MYO10: variants seen among roughly 807,000 people sequenced by gnomAD.
The protein encoded by MYO10 is myosin X, also known as unconventional myosin-X.
In MYO10, 133 loss-of-function variants were observed where a neutral mutation model predicts 257.3. The ratio of observed to expected loss-of-function variants is 0.52; its 90% CI spans 0.45 to 0.60. MYO10 has a LOEUF of 0.60. Ranked by LOEUF, MYO10 falls within the 20% of genes least tolerant of loss-of-function variation. The probability of loss-of-function intolerance (pLI) is 0.00; values close to 1 mark genes in which losing one functional copy is unlikely to be tolerated. For missense variants in MYO10, 2,399 were observed against 2,635.7 expected, an observed-to-expected ratio of 0.91 and a Z score of 1.97; for synonymous variants, 1,104 against 1,028.6, an observed-to-expected ratio of 1.07 and a Z score of -1.40.
chr5:16,888,486 T>A lies in MYO10; in HGVS notation c.22-10779A>T, dbSNP rs185148112. ...GGTGCATGCCTGTAATCCCAGCTACTCAGGAGGCTGAGGCAGGAGAACTAC... is the reference window on the plus strand; with the variant it reads ...GGTGCATGCCTGTAATCCCAGCTACACAGGAGGCTGAGGCAGGAGAACTAC... On this transcript the variant is annotated intron_variant, in intron 1 of 40. Transcript: ENST00000513610. Among the ~76,000 whole-genome samples, 538 of 151,908 alleles carry A rather than the reference T, an allele frequency of 3.5e-3. 6 individuals are homozygous for A. Among genetic ancestry groups the A allele is most frequent in the Non-Finnish European group, 5.0e-3 (337 of 68,004 alleles).
intron 19 of MYO10, among the ~76,000 whole-genome samples, chr5:16,728,983 T>A (rs1295158143): frequency 6.6e-6 from 1 of 152,234 alleles, no homozygotes; most frequent in East Asian, 1.9e-4. Context: ...TCTTTTCTTT[T>A]AAGCACAGCG....
chr5:16,764,764 C>G (rs1404281108), intron 11 of MYO10, among the ~76,000 whole-genome samples: 1 of 152,178 alleles, frequency 6.6e-6, no homozygotes, highest in Non-Finnish European at 1.5e-5. Flanking sequence ...TCTCGGCTCA[C>G]AGCAACCTCC....
intron 29 of MYO10, among the ~76,000 whole-genome samples, chr5:16,684,626 TTTAA>T (rs1406986241): frequency 3.3e-5 from 5 of 152,244 alleles, no homozygotes; most frequent in Non-Finnish European, 5.9e-5. Flanking sequence ...TATTGTGTCC[TTTAA>T]TTAAATCTTA....
chr5:16,900,313 G>A (rs1745342137), intron 1 of MYO10, among the ~76,000 whole-genome samples: 1 of 152,174 alleles, frequency 6.6e-6, no homozygotes, highest in Non-Finnish European at 1.5e-5. Context: ...ACCATGCTCA[G>A]ATAATTTCAA....
chr5:16,907,871 G>C (rs115393871), intron 1 of MYO10, among the ~76,000 whole-genome samples: 1 of 152,306 alleles, frequency 6.6e-6, no homozygotes, highest in Non-Finnish European at 1.5e-5. Flanking sequence ...ACTGGAAAAT[G>C]TAATATAAAA....
chr5:16,722,740 A>G (rs1011827205), intron 19 of MYO10, among the ~76,000 whole-genome samples: 2 of 152,248 alleles, frequency 1.3e-5, no homozygotes, highest in African/African-American at 4.8e-5. Flanking sequence ...AAACTCCTAG[A>G]TGATAACATA....
At chr5:16,933,868 C>A (rs1017691116) in intron 1 of MYO10, among the ~76,000 whole-genome samples, 1 of 152,168 alleles carries the variant, frequency 6.6e-6, no homozygotes, top group African/African-American at 2.4e-5. Flanking sequence ...ACACATACAT[C>A]ACAAGATTAA....
intron 1 of MYO10, among the ~76,000 whole-genome samples, chr5:16,923,680 A>ACACACACACACACG (rs1045373664): frequency 5.9e-5 from 9 of 151,634 alleles, no homozygotes; most frequent in African/African-American, 2.2e-4. Flanking sequence ...ACACACACAC[A>ACACACACACACACG]CACACACACA....
intron 3 of MYO10, among the ~76,000 whole-genome samples, chr5:16,801,659 A>AACC (rs1742124453): frequency 6.6e-6 from 1 of 152,234 alleles, no homozygotes; most frequent in Admixed American, 6.5e-5. Context: ...CCTATGGTTT[A>AACC]GACCATATTT....
chr5:16,732,440 A>T (rs183549305), intron 19 of MYO10, among the ~76,000 whole-genome samples: 1 of 152,276 alleles, frequency 6.6e-6, no homozygotes, highest in East Asian at 1.9e-4. Context: ...GGCTAAACTA[A>T]ACCTCCATCT....
rs565396206 is a variant in MYO10, at chr5:16,783,422, T to C, written c.515A>G (p.Lys172Arg). The stretch of plus-strand genomic sequence containing the variant: ...CTGTTGACTGATGACTGACAGAAAC[T>C]TGAGGATCAATTTAGTGCTTTCGGT... ...GKTESTKLIL[K>R]FLSVISQQSL... Residue 172 changes from lysine (K) to arginine (R), a missense_variant, in exon 5 of 41, where the codon AAG (lysine) becomes AGG (arginine). By Grantham distance (26) the Lys-to-Arg change is conservative. Around this residue, in one of 3 missense-constraint regions of MYO10, gnomAD observed 242 missense variants for 249.5 expected, o/e 0.97. Transcript: ENST00000513610. 1 of 1,610,704 alleles carries C rather than the reference T, an allele frequency of 6.2e-7. No homozygotes were observed. Among genetic ancestry groups the C allele is most frequent in the South Asian group, 1.1e-5 (1 of 89,904 alleles).
chr5:16,840,850 G>C (rs1359669220), intron 2 of MYO10, among the ~76,000 whole-genome samples: 2 of 151,980 alleles, frequency 1.3e-5, no homozygotes, highest in African/African-American at 2.4e-5. Context: ...TTTAAAAAAG[G>C]AGATTTCAGG....
intron 2 of MYO10, among the ~76,000 whole-genome samples, chr5:16,842,616 A>G (rs768449386): frequency 6.6e-6 from 1 of 152,216 alleles, no homozygotes; most frequent in Non-Finnish European, 1.5e-5. Context: ...GTAAGCATCA[A>G]CACAACTGAT....
chr5:16,912,432 ACCTGAGG>A (rs1238894076), intron 1 of MYO10, among the ~76,000 whole-genome samples: 2 of 152,052 alleles, frequency 1.3e-5, no homozygotes, highest in Non-Finnish European at 2.9e-5. Flanking sequence ...CACTTTCCTT[ACCTGAGG>A]CCCCATATTT....
intron 1 of MYO10, among the ~76,000 whole-genome samples, chr5:16,914,767 CCT>C (rs1745769066): frequency 6.6e-6 from 1 of 152,130 alleles, no homozygotes; most frequent in South Asian, 2.1e-4. Context: ...CGGCAAGCCA[CCT>C]GGCCGTGAGA....
At chr5:16,774,886 T>A (rs1741170202) in intron 9 of MYO10, among the ~76,000 whole-genome samples, 1 of 152,184 alleles carries the variant, frequency 6.6e-6, no homozygotes, top group Non-Finnish European at 1.5e-5. Context: ...ATCTGACTCA[T>A]GACAAATGAA....
At chr5:16,671,356 C>CTTCTTG in intron 38 of MYO10, 66 bp downstream of exon 38, 1 of 1,570,172 alleles carries the variant, frequency 6.4e-7, no homozygotes, top group Non-Finnish European at 8.7e-7. Context: ...ACTTACAAGG[C>CTTCTTG]TAAGTATTAA....
Position 16,788,203 on chromosome 5 carries a change from G to T in MYO10, c.468-4734C>A, listed in dbSNP as rs958304789. Among the ~76,000 whole-genome samples, 12 of 152,204 alleles carry T rather than the reference G, an allele frequency of 7.9e-5. 1 individual carries two copies. The East Asian group carries it at 1.9e-3, about 25-fold the overall frequency. On this transcript the variant is annotated intron_variant, in intron 4 of 40. Coordinates refer to ENST00000513610, the MANE Select transcript of MYO10 (RefSeq NM_012334.3). ...GCCGCGGGGGCAGCAGAGATGAAGT[G>T]AGAGGCCCAAGAAAGACTGGAGGGA...
chr5:16,780,275 A>G (rs986708042), intron 8 of MYO10, among the ~76,000 whole-genome samples: 1 of 150,708 alleles, frequency 6.6e-6, no homozygotes, highest in Non-Finnish European at 1.5e-5. Flanking sequence ...TGTATTTTTA[A>G]TAAACATCCT....
Sources: gnomAD v4.1 joint callset for allele counts (sites outside exome capture counted in the v4.1 genomes callset) on GRCh38, gnomAD v4.1.1 for gene constraint, gnomAD v4.1.1 regional missense constraint, MANE v1.5 for transcripts, NCBI Gene and HGNC (gene_info 2026-07-23, HGNC 2026-07-21) for gene names.